CEP295: variants seen among roughly 807,000 people sequenced by gnomAD.
CEP295 encodes the protein centrosomal protein of 295 kDa.
A neutral mutation model predicts 291.6 loss-of-function variants in CEP295; 190 were observed. The observed-to-expected ratio is 0.65, with a 90% CI of 0.58 to 0.73. The LOEUF is 0.73. Among genes scored for constraint, CEP295 ranks in the 30% least tolerant of loss-of-function variants. The pLI, the probability that CEP295 is intolerant of heterozygous loss-of-function variation, is 0.00. For synonymous variants in CEP295, 993 were observed against 1,038.8 expected (o/e 0.96, Z 0.85); for missense variants, 2,863 against 2,949.4 (o/e 0.97, Z 0.68).
At chr11:93,703,243 C>T (rs1315488908) in intron 17 of CEP295, among the ~76,000 whole-genome samples, 1 of 151,734 alleles carries the variant, frequency 6.6e-6, no homozygotes, top group Non-Finnish European at 1.5e-5. Context: ...GGATTACAGG[C>T]GTGAGCTACC....
Position 93,699,869 on chromosome 11 carries a change from C to A in CEP295, c.4957C>A (p.His1653Asn), listed in dbSNP as rs1209023285. Residue 1653 changes from histidine to asparagine, a missense_variant, in exon 15 of 30, where the codon CAT becomes AAT. Transcript: ENST00000325212. ...TTTGTTTCTACCCAAGGAAACAGAGCATTCGTTTATTCCACTACCTTTTGC... is the reference window on the plus strand; with the variant it reads ...TTTGTTTCTACCCAAGGAAACAGAGAATTCGTTTATTCCACTACCTTTTGC... Reference protein sequence around the residue: ...PSLFLPKETEHSFIPLPFAEA... With the variant: ...PSLFLPKETENSFIPLPFAEA... 18 of 1,551,880 alleles carry A rather than the reference C, an allele frequency of 1.2e-5. No individual in the cohort carries two copies. Among genetic ancestry groups the A allele is most frequent in the Non-Finnish European group, 1.6e-5 (18 of 1,146,970 alleles).
chr11:93,663,385 C>T (rs191284669), intron 1 of CEP295, among the ~76,000 whole-genome samples: 1 of 152,298 alleles, frequency 6.6e-6, no homozygotes, highest in African/African-American at 2.4e-5. Flanking sequence ...ACGCATTTCT[C>T]CTAATAAAAT....
chr11:93,693,230 T>A (rs529882555), intron 12 of CEP295, among the ~76,000 whole-genome samples: 46 of 151,930 alleles, frequency 3.0e-4, no homozygotes, highest in Non-Finnish European at 6.3e-4. Flanking sequence ...TGAGCCGAGA[T>A]TGCGCCACTG....
Position 93,696,737 on chromosome 11 carries a change from A to T in CEP295, c.1825A>T (p.Met609Leu). The T allele has an allele frequency of 6.4e-7, 1 of 1,551,422 alleles. No individual in the cohort carries two copies. Among genetic ancestry groups the T allele is most frequent in the Non-Finnish European group, 8.7e-7 (1 of 1,146,692 alleles). The part of the protein sequence containing the change: ...ARKQLLEYQT[M>L]LKGRCPSVSA... ...GAAACAATTACTTGAATATCAAACT[A>T]TGTTAAAAGGAAGGTGCCCATCGGT... Residue 609 changes from methionine to leucine, a missense_variant, in exon 15 of 30, where the codon ATG (methionine) becomes TTG (leucine). By Grantham distance (15) the Met-to-Leu change is conservative. Transcript: ENST00000325212.
rs776108673 is a variant in CEP295 at position 93,699,417 on chromosome 11, A to G, written c.4505A>G (p.His1502Arg). ...TCTGAGCATTTTATCCAGTCTCACCATGGTGATTTGCAGGCACTTCAACAG... is the reference window on the plus strand; with the variant it reads ...TCTGAGCATTTTATCCAGTCTCACCGTGGTGATTTGCAGGCACTTCAACAG... ...VSSEHFIQSHHGDLQALQQQL... is the reference protein window; with the variant it reads ...VSSEHFIQSHRGDLQALQQQL... Residue 1502 changes from histidine (H) to arginine (R), a missense_variant, in exon 15 of 30, where the codon CAT becomes CGT. Transcript: ENST00000325212. 3 of 1,551,796 alleles carry G rather than the reference A, an allele frequency of 1.9e-6. No individual in the cohort carries two copies. Among genetic ancestry groups the G allele is most frequent in the South Asian group, 2.4e-5 (2 of 84,066 alleles).
chr11:93,719,197 C>G (rs1320667086), intron 18 of CEP295, among the ~76,000 whole-genome samples: 1 of 149,796 alleles, frequency 6.7e-6, no homozygotes, highest in African/African-American at 2.5e-5. Context: ...TCTGTACTTA[C>G]ATACAGATAG....
At chr11:93,665,816 T>C (rs1244785110) in intron 1 of CEP295, among the ~76,000 whole-genome samples, 1 of 152,232 alleles carries the variant, frequency 6.6e-6, no homozygotes, top group African/African-American at 2.4e-5. Flanking sequence ...TACTGTAGAT[T>C]ATAGAACATG....
chr11:93,668,114 C>T (rs1950269971), intron 3 of CEP295, among the ~76,000 whole-genome samples: 1 of 152,122 alleles, frequency 6.6e-6, no homozygotes, highest in African/African-American at 2.4e-5. Flanking sequence ...TTGTCCATCT[C>T]AGGCATTTTT....
chr11:93,686,210 A>T (rs564865502), intron 9 of CEP295, among the ~76,000 whole-genome samples: 2 of 151,958 alleles, frequency 1.3e-5, no homozygotes, highest in African/African-American at 4.8e-5. Flanking sequence ...TCCCAGCTAC[A>T]TGGGAGGCTG....
In CEP295 at chr11:93,691,702, A is replaced by G. The variant is rs1235664345; in HGVS notation, c.1356A>G (p.Leu452=). The G allele has an allele frequency of 1.3e-6, 2 of 1,543,156 alleles. No homozygotes were observed. Among genetic ancestry groups the G allele is most frequent in the Admixed American group, 2.0e-5 (1 of 50,128 alleles). Residue 452 remains leucine (L), a synonymous_variant, in exon 11 of 30, where the codon CTA becomes CTG. Coordinates refer to ENST00000325212, the MANE Select transcript of CEP295 (RefSeq NM_033395.2). The stretch of plus-strand genomic sequence containing the variant: ...TTACAGTTGTTGAAAGTGATACACT[A>G]ACAATTGAGTCTGGACCACTTGCTA... The part of the protein sequence containing the change: ...GQEQVVESDT[L]TIESGPLASE...
At chr11:93,691,819 C>A in intron 11 of CEP295, 44 bp downstream of exon 11, 1 of 1,340,766 alleles carries the variant, frequency 7.5e-7, no homozygotes, top group Non-Finnish European at 1.0e-6. Context: ...TGACTCCTTG[C>A]ATCTTTTTTT....
intron 18 of CEP295, among the ~76,000 whole-genome samples, chr11:93,718,018 C>A (rs1300053514): frequency 3.9e-5 from 6 of 152,060 alleles, no homozygotes; most frequent in Non-Finnish European, 8.8e-5. Flanking sequence ...CTCAATTGAT[C>A]CTCCCACCTC....
intron 9 of CEP295, among the ~76,000 whole-genome samples, chr11:93,685,696 G>T (rs1591018608): frequency 9.3e-6 from 1 of 107,208 alleles, no homozygotes; most frequent in East Asian, 2.8e-4. Flanking sequence ...CAGGTCAGCT[G>T]TGTCTTTGTT....
In CEP295 at chr11:93,683,694, CAG is replaced by C; in HGVS notation, c.907_908del (p.Glu303IlefsTer6). On this transcript the variant is annotated frameshift_variant, in exon 8 of 30. Transcript: ENST00000325212. LOFTEE classifies it high-confidence loss of function. ...YKRSEMKEDW[Q>X]RELEFAFEDM... ...ACGCAGTGAAATGAAAGAAGACTGG[CAG>C]AGAGAATTGGAATTTGCCTTTGAAG... The C allele has an allele frequency of 1.3e-6, 2 of 1,547,066 alleles. No individual in the cohort carries two copies. Among genetic ancestry groups the C allele is most frequent in the Non-Finnish European group, 1.7e-6 (2 of 1,145,992 alleles).
At chr11:93,704,007 G>A (rs1392669678) in intron 17 of CEP295, among the ~76,000 whole-genome samples, 1 of 151,826 alleles carries the variant, frequency 6.6e-6, no homozygotes, top group Admixed American at 6.6e-5. Flanking sequence ...CTGACCTTGT[G>A]ATCCGCCCGC....
At position 93,727,139 on chromosome 11, in the gene CEP295, CAAG is replaced by C; in HGVS notation, c.6666_6668del (p.Lys2224del). On this transcript the variant is annotated inframe_deletion, in exon 24 of 30. Transcript: ENST00000325212. ...AAGAACATACTGAAATATTACAAAA[CAAG>C]AAAAAAATTGTTCATTTCCAGCTTT... 6 of 1,549,562 alleles carry C rather than the reference CAAG, an allele frequency of 3.9e-6. No individual in the cohort carries two copies. The highest frequency in any genetic ancestry group is 5.2e-6 in the Non-Finnish European group (6 of 1,146,348).
chr11:93,692,114 A>C, intron 12 of CEP295, 84 bp downstream of exon 12: 1 of 714,390 alleles, frequency 1.4e-6, no homozygotes, highest in South Asian at 1.9e-5. Flanking sequence ...AATTTGTCTT[A>C]ATGTCTGGCT....
chr11:93,718,036 C>T lies in CEP295; in HGVS notation c.5750-3276C>T, dbSNP rs563465081. ...AATTGATCCTCCCACCTCAGCCTCC[C>T]GAGTAGCTAGGACTACAGGCATGCA... On this transcript the variant is annotated intron_variant, in intron 18 of 29. Coordinates refer to ENST00000325212, the MANE Select transcript of CEP295 (RefSeq NM_033395.2). 1.1e-3 allele frequency among the ~76,000 whole-genome samples: 172 copies of T among 152,234 alleles called. 2 individuals carry two copies. Among genetic ancestry groups the T allele is most frequent in the Middle Eastern group, 6.8e-3 (2 of 294 alleles).
At chr11:93,691,649 A>G (rs1382047835) in intron 10 of CEP295, 34 bp from the exon 11 acceptor site, 3 of 1,309,328 alleles carry the variant, frequency 2.3e-6, no homozygotes, top group East Asian at 5.1e-5. Flanking sequence ...CAATGATTAT[A>G]TATTCAAAAT....
Sources: gnomAD v4.1 joint callset for allele counts (sites outside exome capture counted in the v4.1 genomes callset) on GRCh38, gnomAD v4.1.1 for gene constraint, MANE v1.5 for transcripts, NCBI Gene and HGNC (gene_info 2026-07-23, HGNC 2026-07-21) for gene names.